GDPD4: variants seen among roughly 807,000 people sequenced by gnomAD.
The protein encoded by GDPD4 is glycerophosphodiester phosphodiesterase 6.
A neutral mutation model predicts 67.8 loss-of-function variants in GDPD4; 60 were observed. That is an observed-to-expected ratio of 0.88 (90% CI 0.72 to 1.10). GDPD4 has a LOEUF of 1.10. GDPD4 is among the 50% of genes least tolerant of loss of function. The pLI is 0.00. For missense variants in GDPD4, 623 were observed against 613.9 expected (o/e 1.01, Z -0.16); for synonymous variants, 212 against 210.9 (o/e 1.00, Z -0.04).
chr11:77,277,506 C>G (rs1959537787), intron 4 of GDPD4, among the ~76,000 whole-genome samples: 1 of 147,830 alleles, frequency 6.8e-6, no homozygotes, highest in Non-Finnish European at 1.5e-5. Flanking sequence ...AGGTTCACGC[C>G]ATTCTCCTGC....
rs1225814167 is a variant in GDPD4, at chr11:77,218,175, AATATCTTT to A, written c.1526-869_1526-862del. Among the ~76,000 whole-genome samples, 15 of 152,020 alleles carry A rather than the reference AATATCTTT, an allele frequency of 9.9e-5. No individual in the cohort carries two copies. The East Asian group carries it at 2.5e-3, about 25-fold the overall frequency. On this transcript the variant is annotated intron_variant, in intron 16 of 16. Transcript: ENST00000315938. ...GGAATTTTTAGATCAATTCCATGACAATATCTTTATAACTTTTCTAATTCATGAACATG... is the reference window on the plus strand; with the variant it reads ...GGAATTTTTAGATCAATTCCATGACAATAACTTTTCTAATTCATGAACATG...
chr11:77,227,814 G>A lies in GDPD4; in HGVS notation c.1525+50C>T, dbSNP rs773782238. Reference sequence around the variant, plus strand: ...GAAAAGCTGCCTCTGTCTCCTGGAAGCAATGGGTAGGGATGAAGAGACAGG... The same window carrying A: ...GAAAAGCTGCCTCTGTCTCCTGGAAACAATGGGTAGGGATGAAGAGACAGG... On this transcript the variant is annotated intron_variant, in intron 16 of 16. Transcript: ENST00000315938. 5.2e-6 allele frequency: 7 copies of A among 1,339,160 alleles called. No individual in the cohort carries two copies. The African/African-American group carries it at 7.3e-5, about 14-fold the overall frequency. 83.0% of individuals were successfully genotyped at this position (1,339,160 alleles called of 1,614,324 possible).
At chr11:77,247,992 G>A (rs1163985826) in intron 11 of GDPD4, among the ~76,000 whole-genome samples, 3 of 148,830 alleles carry the variant, frequency 2.0e-5, no homozygotes, top group East Asian at 2.0e-4. Context: ...CAGAGGTTGC[G>A]GTGAGCCAAG....
At chr11:77,218,161 A>G (rs985797318) in intron 16 of GDPD4, among the ~76,000 whole-genome samples, 1 of 151,592 alleles carries the variant, frequency 6.6e-6, no homozygotes, top group Non-Finnish European at 1.5e-5. Flanking sequence ...GAATTTTTAG[A>G]TCAATTCCAT....
chr11:77,295,924 G>A (rs1937938611), intron 1 of GDPD4, among the ~76,000 whole-genome samples: 1 of 151,996 alleles, frequency 6.6e-6, no homozygotes, highest in African/African-American at 2.4e-5. Flanking sequence ...ACTAAATAAG[G>A]GTGAATTTTA....
intron 1 of GDPD4, 23 bp downstream of exon 1, chr11:77,301,582 C>T (rs899969744): frequency 6.6e-6 from 1 of 152,188 alleles, no homozygotes. Flanking sequence ...GGAGGAAGCA[C>T]GGAACTGGGC....
chr11:77,268,617 C>T, intron 9 of GDPD4, 78 bp from the exon 10 acceptor site: 2 of 1,160,714 alleles, frequency 1.7e-6, no homozygotes, highest in Non-Finnish European at 2.6e-6. Flanking sequence ...GGGGTAGAGC[C>T]CAGTAGGATT....
intron 1 of GDPD4, among the ~76,000 whole-genome samples, chr11:77,297,159 AAAG>A (rs1300933522): frequency 6.6e-6 from 1 of 152,158 alleles, no homozygotes; most frequent in Non-Finnish European, 1.5e-5. Context: ...ACTTCATCTA[AAAG>A]AAGAGAAAGC....
chr11:77,279,388 A>G lies in GDPD4; in HGVS notation c.65T>C (p.Leu22Pro). 6.2e-7 allele frequency: 1 copy of G among 1,608,094 alleles called. No homozygotes were observed. Among genetic ancestry groups the G allele is most frequent in the Non-Finnish European group, 8.5e-7 (1 of 1,174,712 alleles). ...CCAGAAAAACCAGTATCCTGTTCCTAGAAAAGTGACCCTGAAAAAAAATGT... is the reference window on the plus strand; with the variant it reads ...CCAGAAAAACCAGTATCCTGTTCCTGGAAAAGTGACCCTGAAAAAAAATGT... ...EYFNFDWVTFLGTGYWFFWSI... is the reference protein window; with the variant it reads ...EYFNFDWVTFPGTGYWFFWSI... The change falls in exon 4 of 17, where the codon CTA becomes CCA. Residue 22 changes from leucine to proline, a missense_variant. Physicochemically the swap from Leu to Pro is moderately conservative, Grantham distance 98. Transcript: ENST00000315938.
At chr11:77,254,082 T>G (rs1165345401) in intron 11 of GDPD4, among the ~76,000 whole-genome samples, 1 of 151,946 alleles carries the variant, frequency 6.6e-6, no homozygotes, top group African/African-American at 2.4e-5. Context: ...AAGATGTGAG[T>G]AGTTCCAAGA....
chr11:77,263,730 T>C (rs970858738), intron 10 of GDPD4, among the ~76,000 whole-genome samples: 8 of 152,226 alleles, frequency 5.3e-5, no homozygotes, highest in African/African-American at 1.7e-4. Flanking sequence ...GGTTCTCATA[T>C]GGCTTGGCAT....
intron 13 of GDPD4, among the ~76,000 whole-genome samples, chr11:77,241,784 A>G (rs1958670740): frequency 6.6e-6 from 1 of 151,962 alleles, no homozygotes; most frequent in Admixed American, 6.6e-5. Flanking sequence ...CTCTACTAAA[A>G]ATACAGAAAA....
chr11:77,284,994 T>C, intron 3 of GDPD4, 91 bp downstream of exon 3: 1 of 934,008 alleles, frequency 1.1e-6, no homozygotes, highest in Non-Finnish European at 1.7e-6. Context: ...CCCTACTATA[T>C]CACCGGATCT....
At chr11:77,221,566 A>T (rs1055024811) in intron 16 of GDPD4, among the ~76,000 whole-genome samples, 11 of 152,024 alleles carry the variant, frequency 7.2e-5, no homozygotes, top group East Asian at 3.9e-4. Flanking sequence ...TAATCCTGAG[A>T]TCTAATTTGA....
intron 13 of GDPD4, among the ~76,000 whole-genome samples, chr11:77,236,508 T>C (rs1032310481): frequency 6.6e-6 from 1 of 151,932 alleles, no homozygotes; most frequent in Non-Finnish European, 1.5e-5. Context: ...ACTTTAAAGA[T>C]GCCAAGTGGT....
chr11:77,277,487 C>T (rs954735162), intron 4 of GDPD4, among the ~76,000 whole-genome samples: 1 of 137,882 alleles, frequency 7.3e-6, no homozygotes, highest in Non-Finnish European at 1.5e-5. Flanking sequence ...AGTGCAAGCT[C>T]CGCCTCCCAG....
Position 77,217,245 on chromosome 11 carries a change from G to A in GDPD4, c.*32C>T. ...CAAGGACCTTCCACAACTCGGACAG[G>A]AGGTTTCATGGCTATGTGCAAATCT... On this transcript the variant is annotated 3_prime_UTR_variant, in exon 17 of 17. Coordinates refer to ENST00000315938, the MANE Select transcript of GDPD4 (RefSeq NM_182833.3). 1 of 1,545,476 alleles carries A rather than the reference G, an allele frequency of 6.5e-7. No homozygotes were observed. The highest frequency in any genetic ancestry group is 8.9e-7 in the Non-Finnish European group (1 of 1,117,556).
intron 16 of GDPD4, among the ~76,000 whole-genome samples, chr11:77,222,878 T>TAGATTTGG (rs769740339): frequency 1.3e-5 from 2 of 152,122 alleles, no homozygotes; most frequent in African/African-American, 2.4e-5. Context: ...CAATCAAATG[T>TAGATTTGG]AGATTTGGTC....
At chr11:77,249,742 G>A (rs1349142922) in intron 11 of GDPD4, among the ~76,000 whole-genome samples, 1 of 152,042 alleles carries the variant, frequency 6.6e-6, no homozygotes, top group Non-Finnish European at 1.5e-5. Flanking sequence ...AAACTCAAGG[G>A]GACACCTTGA....
Sources: gnomAD v4.1 joint callset for allele counts (sites outside exome capture counted in the v4.1 genomes callset) on GRCh38, gnomAD v4.1.1 for gene constraint, MANE v1.5 for transcripts, NCBI Gene and HGNC (gene_info 2026-07-23, HGNC 2026-07-21) for gene names.